The following KAT6B variants were observed in gnomAD, a reference collection of about 807,000 sequenced individuals.
The protein encoded by KAT6B is lysine acetyltransferase 6B, also known as histone acetyltransferase KAT6B.
A neutral mutation model predicts 187.5 loss-of-function variants in KAT6B; 10 were observed. The ratio of observed to expected loss-of-function variants is 0.05; its 90% CI spans 0.03 to 0.09. The LOEUF is 0.09. KAT6B is among the 10% of genes least tolerant of loss of function. The probability of loss-of-function intolerance (pLI) is 1.00; values close to 1 mark genes in which losing one functional copy is unlikely to be tolerated. For missense variants in KAT6B, 1,952 were observed against 2,558.9 expected (o/e 0.76, Z 5.12); for synonymous variants, 861 against 926.8 (o/e 0.93, Z 1.29).
intron 3 of KAT6B, among the ~76,000 whole-genome samples, chr10:74,935,585 G>A (rs190500481): frequency 6.6e-6 from 1 of 152,276 alleles, no homozygotes; most frequent in Non-Finnish European, 1.5e-5. Context: ...TTACAGGCAT[G>A]AGCCACAGAG....
intron 3 of KAT6B, among the ~76,000 whole-genome samples, chr10:74,935,108 C>T (rs142131980): frequency 6.6e-6 from 1 of 152,344 alleles, no homozygotes; most frequent in Non-Finnish European, 1.5e-5. Context: ...TGTGCCTCAG[C>T]AAGACTCGAG....
chr10:74,950,567 T>C (rs1448564605), intron 3 of KAT6B, among the ~76,000 whole-genome samples: 1 of 152,234 alleles, frequency 6.6e-6, no homozygotes, highest in African/African-American at 2.4e-5. Context: ...GCATGATCTC[T>C]ATCCTAATTA....
chr10:74,956,157 T>C (rs1840679456), intron 3 of KAT6B, among the ~76,000 whole-genome samples: 1 of 152,182 alleles, frequency 6.6e-6, no homozygotes, highest in South Asian at 2.1e-4. Context: ...TTTTTGGGTA[T>C]TATATGACAT....
chr10:74,948,216 A>G (rs964541813), intron 3 of KAT6B, among the ~76,000 whole-genome samples: 1 of 152,256 alleles, frequency 6.6e-6, no homozygotes, highest in Non-Finnish European at 1.5e-5. Context: ...GCAATTGAGA[A>G]TTAAGTGTAG....
chr10:74,837,701 T>C (rs1841406686), intron 1 of KAT6B, among the ~76,000 whole-genome samples: 4 of 152,142 alleles, frequency 2.6e-5, no homozygotes, highest in Admixed American at 2.6e-4. Flanking sequence ...GAATTTACAG[T>C]GGGGCCAGTG....
chr10:74,830,481 T>G (rs1038806803), intron 1 of KAT6B, among the ~76,000 whole-genome samples: 2 of 151,858 alleles, frequency 1.3e-5, no homozygotes, highest in Non-Finnish European at 2.9e-5. Context: ...CTGTAACACT[T>G]TTAGTTTTCA....
At chr10:75,009,235 G>A (rs958262937) in intron 13 of KAT6B, among the ~76,000 whole-genome samples, 3 of 152,238 alleles carry the variant, frequency 2.0e-5, no homozygotes, top group East Asian at 1.9e-4. Context: ...TGTTATTTAC[G>A]TAGTTTGTGG....
At chr10:75,026,993 C>T (rs753683357) in intron 17 of KAT6B, among the ~76,000 whole-genome samples, 1 of 152,060 alleles carries the variant, frequency 6.6e-6, no homozygotes, top group Non-Finnish European at 1.5e-5. Flanking sequence ...AAAAAATTAG[C>T]TGGGTGTGGT....
At position 74,958,502 on chromosome 10, in the gene KAT6B, G is replaced by A. The variant is rs979706556; in HGVS notation, c.622-1468G>A. ...CAGATGGCTAGCAGACAACATGTGT[G>A]AAGGCTTGGAATATGCGGTAAAATT... On this transcript the variant is annotated intron_variant, in intron 3 of 17. Transcript: ENST00000287239. Among the ~76,000 whole-genome samples, 4 of 152,310 alleles carry A rather than the reference G, an allele frequency of 2.6e-5. No homozygotes were observed. The East Asian group carries it at 7.7e-4, about 29-fold the overall frequency.
At chr10:74,903,586 C>T (rs538561566) in intron 3 of KAT6B, among the ~76,000 whole-genome samples, 18 of 152,276 alleles carry the variant, frequency 1.2e-4, no homozygotes, top group Admixed American at 7.8e-4. Flanking sequence ...ACAACCTAAA[C>T]GAGCTTGGAG....
intron 3 of KAT6B, among the ~76,000 whole-genome samples, chr10:74,927,446 A>G (rs1195952069): frequency 2.1e-5 from 3 of 145,738 alleles, no homozygotes; most frequent in Non-Finnish European, 4.4e-5. Context: ...GCCTGCTGCA[A>G]GAAACCTTTT....
At chr10:74,882,056 C>T (rs774032564) in intron 3 of KAT6B, among the ~76,000 whole-genome samples, 1 of 152,190 alleles carries the variant, frequency 6.6e-6, no homozygotes, top group African/African-American at 2.4e-5. Context: ...CAAAAGGAAC[C>T]TGCTCTTCCC....
At chr10:74,856,430 T>A (rs1034064991) in intron 3 of KAT6B, among the ~76,000 whole-genome samples, 3 of 152,150 alleles carry the variant, frequency 2.0e-5, no homozygotes, top group African/African-American at 7.2e-5. Flanking sequence ...GATCATATAT[T>A]GCATTTGGCT....
At chr10:74,836,337 A>G (rs996257159) in intron 1 of KAT6B, among the ~76,000 whole-genome samples, 3 of 152,242 alleles carry the variant, frequency 2.0e-5, no homozygotes, top group Non-Finnish European at 4.4e-5. Flanking sequence ...ATACCTAGAA[A>G]TGGAATTACA....
At chr10:74,966,036 G>T (rs2133598408) in intron 4 of KAT6B, among the ~76,000 whole-genome samples, 1 of 152,068 alleles carries the variant, frequency 6.6e-6, no homozygotes, top group East Asian at 1.9e-4. Flanking sequence ...TATCCATCTG[G>T]GTTATTGGCA....
chr10:74,856,942 T>C (rs1421473736), intron 3 of KAT6B, among the ~76,000 whole-genome samples: 1 of 152,090 alleles, frequency 6.6e-6, no homozygotes, highest in Admixed American at 6.5e-5. Flanking sequence ...TGGGGGATGT[T>C]GTATATTTCT....
chr10:74,884,925 A>G (rs1413938096), intron 3 of KAT6B, among the ~76,000 whole-genome samples: 1 of 152,100 alleles, frequency 6.6e-6, no homozygotes, highest in Non-Finnish European at 1.5e-5. Flanking sequence ...ACCTTCTTTG[A>G]TGATGGAAAT....
intron 10 of KAT6B, among the ~76,000 whole-genome samples, chr10:74,981,306 T>TTCCTTCCTTC (rs1842493708): frequency 1.1e-3 from 160 of 140,020 alleles, no homozygotes; most frequent in African/African-American, 4.3e-3. Context: ...TTTCTTTCTT[T>TTCCTTCCTTC]CTTCCTTCCT....
intron 3 of KAT6B, among the ~76,000 whole-genome samples, chr10:74,892,907 G>A (rs1564546726): frequency 6.6e-6 from 1 of 152,216 alleles, no homozygotes; most frequent in Admixed American, 6.5e-5. Context: ...TGTGGCTGGA[G>A]CTGCCCCTGG....
Sources: gnomAD v4.1 joint callset for allele counts (sites outside exome capture counted in the v4.1 genomes callset) on GRCh38, gnomAD v4.1.1 for gene constraint, MANE v1.5 for transcripts, NCBI Gene and HGNC (gene_info 2026-07-23, HGNC 2026-07-21) for gene names.